Variants in MCU observed in about 807,000 individuals in gnomAD.
MCU encodes the protein mitochondrial calcium uniporter, also known as calcium uniporter protein, mitochondrial.
In MCU, 12 loss-of-function variants were observed where a neutral mutation model predicts 45.2. The observed-to-expected ratio is 0.27, with a 90% CI of 0.17 to 0.43. MCU has a LOEUF of 0.43. Among genes scored for constraint, MCU ranks in the 20% least tolerant of loss-of-function variants. The pLI is 1.00. For synonymous variants in MCU, 160 were observed against 165.1 expected, an observed-to-expected ratio of 0.97 and a Z score of 0.24; for missense variants, 324 against 436.7, an observed-to-expected ratio of 0.74 and a Z score of 2.30.
intron 6 of MCU, among the ~76,000 whole-genome samples, chr10:72,878,385 G>C (rs1845649916): frequency 6.6e-6 from 1 of 151,920 alleles, no homozygotes; most frequent in African/African-American, 2.4e-5. Flanking sequence ...GCCTCCCAAA[G>C]TGCTGGATTA....
intron 1 of MCU, among the ~76,000 whole-genome samples, chr10:72,695,935 G>A (rs1487484172): frequency 6.6e-6 from 1 of 151,132 alleles, no homozygotes; most frequent in African/African-American, 2.4e-5. Context: ...AGGCTGAGGC[G>A]GGCAGATCAG....
intron 1 of MCU, among the ~76,000 whole-genome samples, chr10:72,695,787 T>A (rs989959183): frequency 2.0e-5 from 3 of 151,646 alleles, no homozygotes; most frequent in South Asian, 2.1e-4. Context: ...CACAGCTCAC[T>A]GCAATCTTGA....
At chr10:72,709,022 AT>A (rs1842857311) in intron 1 of MCU, among the ~76,000 whole-genome samples, 1 of 152,026 alleles carries the variant, frequency 6.6e-6, no homozygotes, top group African/African-American at 2.4e-5. Flanking sequence ...AAAAAAAAAA[AT>A]TTAAGAAATT....
chr10:72,863,533 C>G (rs1405590426), intron 4 of MCU, among the ~76,000 whole-genome samples: 1 of 152,148 alleles, frequency 6.6e-6, no homozygotes, highest in Admixed American at 6.5e-5. Context: ...AACTTGCAAA[C>G]GAACCACATA....
intron 1 of MCU, among the ~76,000 whole-genome samples, chr10:72,818,223 A>G (rs1043838545): frequency 2.0e-5 from 3 of 152,236 alleles, no homozygotes; most frequent in Admixed American, 6.5e-5. Context: ...TCAGATTTTC[A>G]TGTGCTTCAA....
intron 1 of MCU, among the ~76,000 whole-genome samples, chr10:72,781,996 A>G (rs956756788): frequency 3.9e-5 from 6 of 152,198 alleles, no homozygotes; most frequent in African/African-American, 1.4e-4. Flanking sequence ...AAAGAAACCA[A>G]TGAATGCTAC....
At chr10:72,777,814 A>T (rs746775123) in intron 1 of MCU, among the ~76,000 whole-genome samples, 5 of 152,202 alleles carry the variant, frequency 3.3e-5, no homozygotes, top group Non-Finnish European at 5.9e-5. Flanking sequence ...TAACCAGAAT[A>T]TATAAGAGCT....
chr10:72,834,305 A>C (rs1395524750), intron 1 of MCU, 54 bp from the exon 2 acceptor site: 2 of 1,286,534 alleles, frequency 1.6e-6, no homozygotes, highest in African/African-American at 1.5e-5. Flanking sequence ...CACACACATA[A>C]GTATATGTTT....
intron 2 of MCU, among the ~76,000 whole-genome samples, chr10:72,841,444 C>A (rs926908605): frequency 4.6e-5 from 7 of 152,230 alleles, no homozygotes; most frequent in African/African-American, 1.7e-4. Context: ...GTTACAGGCA[C>A]CCGCCACCAT....
intron 1 of MCU, among the ~76,000 whole-genome samples, chr10:72,752,750 A>G (rs1018758240): frequency 2.0e-5 from 3 of 152,200 alleles, no homozygotes; most frequent in African/African-American, 7.2e-5. Context: ...TGTGTTTCTT[A>G]TAGCAGAGCA....
At chr10:72,713,842 A>G (rs2132663752) in intron 1 of MCU, among the ~76,000 whole-genome samples, 1 of 151,872 alleles carries the variant, frequency 6.6e-6, no homozygotes, top group South Asian at 2.1e-4. Flanking sequence ...GACTTTTTTA[A>G]TTTAAAAAAT....
At chr10:72,813,409 A>G (rs1844573897) in intron 1 of MCU, among the ~76,000 whole-genome samples, 1 of 151,654 alleles carries the variant, frequency 6.6e-6, no homozygotes, top group Non-Finnish European at 1.5e-5. Flanking sequence ...AACTTGGGAA[A>G]GAAGTGTAAG....
chr10:72,805,097 CTTTCTCTTTCTTTCTT>C (rs1388920532), intron 1 of MCU, among the ~76,000 whole-genome samples: 17 of 139,674 alleles, frequency 1.2e-4, no homozygotes, highest in South Asian at 1.1e-3. Flanking sequence ...TTCTTTCTTT[CTTTCTCTTTCTTTCTT>C]TCTTTCTTTC....
At chr10:72,799,366 T>G (rs1358082703) in intron 1 of MCU, among the ~76,000 whole-genome samples, 1 of 152,272 alleles carries the variant, frequency 6.6e-6, no homozygotes, top group African/African-American at 2.4e-5. Context: ...ACCTGCTGTG[T>G]GCCAAGCACT....
At chr10:72,785,766 G>A (rs370716616) in intron 1 of MCU, among the ~76,000 whole-genome samples, 3 of 152,168 alleles carry the variant, frequency 2.0e-5, no homozygotes, top group Non-Finnish European at 2.9e-5. Flanking sequence ...TATTATGTAC[G>A]TATAGCTACT....
At chr10:72,759,107 A>G (rs1843618416) in intron 1 of MCU, among the ~76,000 whole-genome samples, 1 of 152,168 alleles carries the variant, frequency 6.6e-6, no homozygotes, top group African/African-American at 2.4e-5. Flanking sequence ...CGAGCCGCAG[A>G]CAAAACTCCT....
In MCU at chr10:72,835,450, TAACA is replaced by T. The variant is rs1363937095; in HGVS notation, c.220+1024_220+1027del. 2.0e-5 allele frequency among the ~76,000 whole-genome samples: 3 copies of T among 152,202 alleles called. No homozygotes were observed. The East Asian group carries it at 5.8e-4, about 29-fold the overall frequency. ...CCTTAGAAACATTAATTCGTAAGCA[TAACA>T]ACCACTGAAAGAGCATCCTGCAAAT... On this transcript the variant is annotated intron_variant, in intron 2 of 7. Transcript: ENST00000373053.
rs1842637766 is a variant in MCU, at chr10:72,692,649, C to T, written c.150+348C>T. On this transcript the variant is annotated intron_variant, in intron 1 of 7. Transcript: ENST00000373053. The stretch of plus-strand genomic sequence containing the variant: ...TTCTTAACAGCCCTGCCCCAAGGCT[C>T]CCTGAACGGAGCCAGATGGAAGTTG... The T allele has an allele frequency of 1.2e-5, 14 of 1,168,226 alleles. No homozygotes were observed. In the South Asian group the frequency reaches 3.1e-4, roughly 26 times the overall value. 72.4% of individuals were successfully genotyped at this position (1,168,226 alleles called of 1,614,324 possible).
rs115250325 is a variant in MCU, at chr10:72,699,948, C to T, written c.150+7647C>T. Among the ~76,000 whole-genome samples the T allele has an allele frequency of 2.1e-3, 322 of 151,758 alleles. 1 individual carries two copies. Among genetic ancestry groups the T allele is most frequent in the African/African-American group, 7.4e-3 (307 of 41,352 alleles). Reference sequence around the variant, plus strand: ...TTAATACAGAACTGGAAATGGGTCACGCATCTTCTCATTTTCCTATTCAAT... The same window carrying T: ...TTAATACAGAACTGGAAATGGGTCATGCATCTTCTCATTTTCCTATTCAAT... On this transcript the variant is annotated intron_variant, in intron 1 of 7. Coordinates refer to ENST00000373053, the MANE Select transcript of MCU (RefSeq NM_138357.3).
Sources: gnomAD v4.1 joint callset for allele counts (sites outside exome capture counted in the v4.1 genomes callset) on GRCh38, gnomAD v4.1.1 for gene constraint, MANE v1.5 for transcripts, NCBI Gene and HGNC (gene_info 2026-07-23, HGNC 2026-07-21) for gene names.